Variants in LRRC4C observed in about 807,000 individuals in gnomAD.
LRRC4C encodes the protein leucine rich repeat containing 4C.
In LRRC4C, 5 loss-of-function variants were observed where a neutral mutation model predicts 33.6. The observed-to-expected ratio is 0.15, with a 90% CI of 0.08 to 0.31. The LOEUF is 0.31. Among genes scored for constraint, LRRC4C ranks in the 10% least tolerant of loss-of-function variants. LRRC4C has a pLI of 1.00. For synonymous variants in LRRC4C, 329 were observed against 302.0 expected, an observed-to-expected ratio of 1.09 and a Z score of -0.93; for missense variants, 560 against 796.7, an observed-to-expected ratio of 0.70 and a Z score of 3.58.
intron 2 of LRRC4C, among the ~76,000 whole-genome samples, chr11:40,701,078 C>T (rs907102829): frequency 6.6e-6 from 1 of 152,044 alleles, no homozygotes; most frequent in African/African-American, 2.4e-5. Flanking sequence ...CTTCACCTCC[C>T]ATAAAAGTGT....
chr11:40,364,262 AAC>A lies in LRRC4C; in HGVS notation c.-269-44543_-269-44542del, dbSNP rs754009205. Among the ~76,000 whole-genome samples, 23 of 152,270 alleles carry A rather than the reference AAC, an allele frequency of 1.5e-4. 1 individual carries two copies. In the East Asian group the frequency reaches 1.5e-3, roughly 10 times the overall value. The stretch of plus-strand genomic sequence containing the variant: ...AACAAACAAAAAAATCAGCCAATGA[AAC>A]AGACGTTGAGCTGACCTAGACCAAA... On this transcript the variant is annotated intron_variant, in intron 3 of 6. Coordinates refer to ENST00000528697, the MANE Select transcript of LRRC4C (RefSeq NM_001258419.2).
intron 2 of LRRC4C, among the ~76,000 whole-genome samples, chr11:40,775,594 A>G (rs1368641240): frequency 2.6e-5 from 4 of 152,144 alleles, no homozygotes; most frequent in African/African-American, 9.7e-5. Context: ...TTATTGATGC[A>G]TGGAGATGCT....
At chr11:40,178,142 A>G (rs1317682396) in intron 5 of LRRC4C, among the ~76,000 whole-genome samples, 1 of 152,206 alleles carries the variant, frequency 6.6e-6, no homozygotes, top group Non-Finnish European at 1.5e-5. Context: ...ACGACATCTT[A>G]TTGCCATCTG....
chr11:40,817,951 A>G (rs554591788), intron 2 of LRRC4C, among the ~76,000 whole-genome samples: 6 of 152,120 alleles, frequency 3.9e-5, no homozygotes, highest in African/African-American at 1.4e-4. Context: ...AATTCACCCA[A>G]GTTAATTATG....
chr11:40,934,154 T>C (rs1335897344), intron 1 of LRRC4C, among the ~76,000 whole-genome samples: 1 of 152,216 alleles, frequency 6.6e-6, no homozygotes, highest in Non-Finnish European at 1.5e-5. Context: ...TTCTATCTTA[T>C]TCACTTGAAA....
chr11:40,312,023 T>C (rs1945339484), intron 4 of LRRC4C, among the ~76,000 whole-genome samples: 1 of 152,014 alleles, frequency 6.6e-6, no homozygotes, highest in Non-Finnish European at 1.5e-5. Context: ...TCTCAGCATC[T>C]TAAAGCTATG....
At chr11:40,291,164 A>AG (rs1406570406) in intron 4 of LRRC4C, among the ~76,000 whole-genome samples, 1 of 152,118 alleles carries the variant, frequency 6.6e-6, no homozygotes, top group African/African-American at 2.4e-5. Flanking sequence ...GGAATAGCGA[A>AG]GGGGGAAGGG....
At chr11:40,883,938 C>T (rs1955309269) in intron 2 of LRRC4C, among the ~76,000 whole-genome samples, 1 of 148,988 alleles carries the variant, frequency 6.7e-6, no homozygotes, top group Non-Finnish European at 1.5e-5. Context: ...GATACATGTG[C>T]TGAATGTGCA....
chr11:41,222,445 T>A (rs1005613935), intron 1 of LRRC4C, among the ~76,000 whole-genome samples: 1 of 152,168 alleles, frequency 6.6e-6, no homozygotes, highest in Admixed American at 6.5e-5. Context: ...AAGTCAGACA[T>A]CTGATAGGAT....
At chr11:41,218,559 T>A (rs76500577) in intron 1 of LRRC4C, among the ~76,000 whole-genome samples, 2 of 152,302 alleles carry the variant, frequency 1.3e-5, no homozygotes, top group African/African-American at 4.8e-5. Context: ...ATAGGCTTCA[T>A]ACAATATATC....
intron 1 of LRRC4C, among the ~76,000 whole-genome samples, chr11:41,101,330 G>A (rs1361080823): frequency 2.0e-5 from 3 of 152,020 alleles, no homozygotes; most frequent in Non-Finnish European, 2.9e-5. Context: ...ATTTAAAAGT[G>A]GACAAAGAAT....
At chr11:40,616,095 T>C (rs1185649855) in intron 3 of LRRC4C, among the ~76,000 whole-genome samples, 1 of 151,820 alleles carries the variant, frequency 6.6e-6, no homozygotes, top group Non-Finnish European at 1.5e-5. Flanking sequence ...AAAAAGTGGC[T>C]GAAGGATATG....
At chr11:40,217,743 C>G (rs557238218) in intron 5 of LRRC4C, among the ~76,000 whole-genome samples, 1 of 151,978 alleles carries the variant, frequency 6.6e-6, no homozygotes, top group Non-Finnish European at 1.5e-5. Context: ...TATTAGGCAC[C>G]CAATTAATAG....
intron 5 of LRRC4C, among the ~76,000 whole-genome samples, chr11:40,201,148 C>T (rs558314770): frequency 3.3e-5 from 5 of 152,272 alleles, no homozygotes; most frequent in Admixed American, 1.3e-4. Context: ...CCTGCAGGCA[C>T]GCAAGGCAGA....
intron 3 of LRRC4C, among the ~76,000 whole-genome samples, chr11:40,483,783 GTATATA>G (rs1953712579): frequency 1.4e-5 from 2 of 141,192 alleles, no homozygotes; most frequent in South Asian, 4.2e-4. Context: ...GTATATATAT[GTATATA>G]TATGTATATA....
At chr11:40,509,191 T>G (rs1443142454) in intron 3 of LRRC4C, among the ~76,000 whole-genome samples, 1 of 152,150 alleles carries the variant, frequency 6.6e-6, no homozygotes, top group East Asian at 1.9e-4. Context: ...TTTCATGTAG[T>G]CATTAAAATA....
In LRRC4C at chr11:40,288,100, C is replaced by T. The variant is rs563998559; in HGVS notation, c.-176+31528G>A. ...CATCCTCACGGCAGACAGTTCCATGCAGTTGTTATTACCTCTATTTTACAG... is the reference window on the plus strand; with the variant it reads ...CATCCTCACGGCAGACAGTTCCATGTAGTTGTTATTACCTCTATTTTACAG... On this transcript the variant is annotated intron_variant, in intron 4 of 6. Coordinates refer to ENST00000528697, the MANE Select transcript of LRRC4C (RefSeq NM_001258419.2). Among the ~76,000 whole-genome samples, 7 of 152,238 alleles carry T rather than the reference C, an allele frequency of 4.6e-5. No individual in the cohort carries two copies. In the South Asian group the frequency reaches 1.4e-3, roughly 32 times the overall value.
intron 3 of LRRC4C, among the ~76,000 whole-genome samples, chr11:40,593,759 T>C (rs1363348202): frequency 6.6e-6 from 1 of 152,198 alleles, no homozygotes; most frequent in Non-Finnish European, 1.5e-5. Context: ...TTCGAAAATT[T>C]CCTCTCCTGC....
chr11:40,509,648 A>C (rs139244262), intron 3 of LRRC4C, among the ~76,000 whole-genome samples: 1 of 152,206 alleles, frequency 6.6e-6, no homozygotes, highest in Non-Finnish European at 1.5e-5. Context: ...ATTAAATACA[A>C]TTTTCTGATT....
Sources: gnomAD v4.1 joint callset for allele counts (sites outside exome capture counted in the v4.1 genomes callset) on GRCh38, gnomAD v4.1.1 for gene constraint, MANE v1.5 for transcripts, NCBI Gene and HGNC (gene_info 2026-07-23, HGNC 2026-07-21) for gene names.